The following COA6 variants were observed in gnomAD, a reference collection of about 807,000 sequenced individuals.
COA6 encodes cytochrome c oxidase assembly factor 6 homolog.
In COA6, 12 loss-of-function variants were observed where a neutral mutation model predicts 17.1. That is an observed-to-expected ratio of 0.70 (90% CI 0.45 to 1.14). COA6 has a LOEUF of 1.14. Ranked by LOEUF, COA6 falls within the 50% of genes most tolerant of loss-of-function variation. The pLI, the probability that COA6 is intolerant of heterozygous loss-of-function variation, is 0.00. For missense variants in COA6, 246 were observed against 196.5 expected (o/e 1.25, Z -1.51); for synonymous variants, 90 against 73.4 (o/e 1.23, Z -1.16).
chr1:234,377,133 T>TTTTTTGTTGTTG (rs60899682), intron 2 of COA6, among the ~76,000 whole-genome samples: 1 of 69,546 alleles, frequency 1.4e-5, no homozygotes, highest in African/African-American at 9.2e-5. Flanking sequence ...TTTTGTTTTT[T>TTTTTTGTTGTTG]TTGTTGTTGT....
At chr1:234,383,015 A>C (rs1053700405) in intron 2 of COA6, among the ~76,000 whole-genome samples, 1 of 64,360 alleles carries the variant, frequency 1.6e-5, no homozygotes, top group African/African-American at 9.0e-5. Context: ...TCAAGAAAGA[A>C]AGAGAGAGAG....
rs376986438 is a variant in COA6 at position 234,383,419 on chromosome 1, A to T, written c.373-304A>T. ...GGAGGGGGGGACAGATAGCATTAGG[A>T]GGTATACCTAATGTTAAATGGCGAG... On this transcript the variant is annotated intron_variant, in intron 2 of 2. Transcript: ENST00000366615. 1.6e-3 allele frequency among the ~76,000 whole-genome samples: 236 copies of T among 152,012 alleles called. 1 individual carries two copies. In the East Asian group the frequency reaches 0.02, roughly 13 times the overall value.
intron 2 of COA6, among the ~76,000 whole-genome samples, chr1:234,379,004 A>T (rs1019942935): frequency 2.9e-5 from 4 of 136,430 alleles, no homozygotes; most frequent in Non-Finnish European, 4.8e-5. Flanking sequence ...TACTTTTTTA[A>T]TTTTTTTTTT....
At chr1:234,376,634 A>G (rs926397627) in intron 2 of COA6, among the ~76,000 whole-genome samples, 1 of 152,230 alleles carries the variant, frequency 6.6e-6, no homozygotes, top group African/African-American at 2.4e-5. Flanking sequence ...AAAAGGATCC[A>G]TGAAAATAGC....
intron 1 of COA6, 156 bp downstream of exon 1, chr1:234,373,834 C>T: frequency 6.2e-7 from 1 of 1,613,356 alleles, no homozygotes; most frequent in South Asian, 1.1e-5. Context: ...GTTTCTACAG[C>T]GCTTAGGTTC....
In COA6 at chr1:234,374,122, T is replaced by G. The variant is rs2103015186; in HGVS notation, c.213-108T>G. On this transcript the variant is annotated intron_variant, in intron 1 of 2. Transcript: ENST00000366615. ...TTTTGTTTTGTTTTTGTTTTTTTTTTTTTTTTTAGTTTTAAAGGAAGAGGA... is the reference window on the plus strand; with the variant it reads ...TTTTGTTTTGTTTTTGTTTTTTTTTGTTTTTTTAGTTTTAAAGGAAGAGGA... 5 of 1,177,024 alleles carry G rather than the reference T, an allele frequency of 4.2e-6. No homozygotes were observed. In the South Asian group the frequency reaches 8.0e-5, roughly 19 times the overall value. 72.9% of individuals were successfully genotyped at this position (1,177,024 alleles called of 1,614,324 possible).
rs540827227 is a variant in COA6, at chr1:234,384,076, T to A, written c.*258T>A. 19 of 297,974 alleles carry A rather than the reference T, an allele frequency of 6.4e-5. No homozygotes were observed. In the East Asian group the frequency reaches 1.2e-3, roughly 18 times the overall value. 18.5% of individuals were successfully genotyped at this position (297,974 alleles called of 1,614,324 possible). On this transcript the variant is annotated 3_prime_UTR_variant, in exon 3 of 3. Coordinates refer to ENST00000366615, the MANE Select transcript of COA6 (RefSeq NM_001206641.3). ...TTTTGTTTTGTTTTTGTTTTGTTTT[T>A]AATTAGAGGATGGGTAGTAGGCAGA...
chr1:234,373,981 C>T, intron 1 of COA6: 1 of 1,123,746 alleles, frequency 8.9e-7, no homozygotes. Context: ...GCCCACGCTG[C>T]CGCCCCAGCA....
At chr1:234,373,824 G>C in intron 1 of COA6, 146 bp downstream of exon 1, 1 of 1,613,634 alleles carries the variant, frequency 6.2e-7, no homozygotes, top group Non-Finnish European at 8.5e-7. Flanking sequence ...CCACACACCT[G>C]TTTCTACAGC....
chr1:234,381,554 CT>C, intron 2 of COA6, among the ~76,000 whole-genome samples: 1 of 152,310 alleles, frequency 6.6e-6, no homozygotes, highest in South Asian at 2.1e-4. Context: ...ATATGGATAC[CT>C]TGAAAGATCT....
rs117011051 is a variant in COA6 at position 234,373,657 on chromosome 1, C to T, written c.191C>T (p.Ala64Val). 3.1e-6 allele frequency: 5 copies of T among 1,612,914 alleles called. No homozygotes were observed. Among genetic ancestry groups the T allele is most frequent in the South Asian group, 1.1e-5 (1 of 90,992 alleles). Residue 64 changes from alanine (A) to valine (V), a missense_variant, in exon 1 of 3, where the codon GCC becomes GTC. Ala to Val is a moderately conservative substitution (Grantham distance 64). Coordinates refer to ENST00000366615, the MANE Select transcript of COA6 (RefSeq NM_001206641.3). ...TVSSRRHRKE[A>V]GRGRAESFIA... ...TCCTCCCGTCGACATCGAAAGGAAG[C>T]CGGACGTGGGCGGGCAGAGAGGTCG... is the stretch of plus-strand genomic sequence containing the variant.
chr1:234,378,590 T>C (rs1444680085), intron 2 of COA6, among the ~76,000 whole-genome samples: 1 of 152,164 alleles, frequency 6.6e-6, no homozygotes, highest in Admixed American at 6.5e-5. Flanking sequence ...CCTGCACTGA[T>C]GGGCCAGGCG....
At chr1:234,374,028 G>C in intron 1 of COA6, 1 of 924,294 alleles carries the variant, frequency 1.1e-6, no homozygotes, top group African/African-American at 1.7e-5. Flanking sequence ...AGCCTCAAGA[G>C]CGGGTGGCCT....
intron 2 of COA6, among the ~76,000 whole-genome samples, chr1:234,379,129 C>T (rs1658897431): frequency 6.6e-6 from 1 of 150,970 alleles, no homozygotes; most frequent in African/African-American, 2.4e-5. Context: ...ATCTGCCCAT[C>T]TCAGCCTCCC....
At chr1:234,373,782 C>T (rs765261256) in intron 1 of COA6, 104 bp downstream of exon 1, 1 of 1,613,758 alleles carries the variant, frequency 6.2e-7, no homozygotes, top group Non-Finnish European at 8.5e-7. Flanking sequence ...AACGGGGTGG[C>T]ACTCCAATCG....
intron 1 of COA6, 139 bp downstream of exon 1, chr1:234,373,817 C>T (rs1224761695): frequency 1.2e-6 from 2 of 1,613,650 alleles, no homozygotes; most frequent in South Asian, 2.2e-5. Context: ...GTGGCCCCCA[C>T]ACACCTGTTT....
At chr1:234,373,877 C>T (rs755247139) in intron 1 of COA6, 199 bp downstream of exon 1, 7 of 1,598,322 alleles carry the variant, frequency 4.4e-6, no homozygotes, top group Admixed American at 1.7e-5. Context: ...GCACTGCTGT[C>T]CCCGCTTTAC....
chr1:234,374,173 T>C (rs2103015234), intron 1 of COA6, 57 bp from the exon 2 acceptor site: 1 of 1,484,488 alleles, frequency 6.7e-7, no homozygotes, highest in African/African-American at 1.4e-5. Flanking sequence ...TCTTTCCTTA[T>C]CTTCTCTTCA....
At chr1:234,376,013 C>T (rs965335795) in intron 2 of COA6, among the ~76,000 whole-genome samples, 31 of 152,122 alleles carry the variant, frequency 2.0e-4, no homozygotes, top group African/African-American at 9.7e-5. Flanking sequence ...CAACCTATCT[C>T]GTGGGATTGT....
Sources: allele counts gnomAD v4.1 joint callset (sites outside exome capture counted in the v4.1 genomes callset), GRCh38; gene constraint gnomAD v4.1.1; transcripts MANE v1.5; gene names NCBI Gene and HGNC (gene_info 2026-07-23, HGNC 2026-07-21).